The following MLLT3 variants were observed in gnomAD, a reference collection of about 807,000 sequenced individuals.
MLLT3 encodes the protein protein AF-9.
A neutral mutation model predicts 53.2 loss-of-function variants in MLLT3; 4 were observed. The observed-to-expected ratio is 0.08, with a 90% CI of 0.04 to 0.17. MLLT3 has a LOEUF of 0.17. Ranked by LOEUF, MLLT3 falls within the 10% of genes least tolerant of loss-of-function variation. The pLI is 1.00. For synonymous variants in MLLT3, 283 were observed against 230.6 expected (o/e 1.23, Z -2.06); for missense variants, 569 against 684.0 (o/e 0.83, Z 1.87).
chr9:20,554,497 G>T lies in MLLT3; in HGVS notation c.193+66157C>A, dbSNP rs111887571. ...ATGACATGAACAAAATATACTCACA[G>T]AATGTTACAACAGTCCATATAAGAT... is the stretch of plus-strand genomic sequence containing the variant. On this transcript the variant is annotated intron_variant, in intron 2 of 10. Transcript: ENST00000380338. 3.9e-5 allele frequency among the ~76,000 whole-genome samples: 6 copies of T among 152,202 alleles called. 1 individual carries two copies. The highest frequency in any genetic ancestry group is 1.2e-4 in the African/African-American group (5 of 41,556).
At chr9:20,613,381 T>A (rs1289350451) in intron 2 of MLLT3, among the ~76,000 whole-genome samples, 1 of 152,222 alleles carries the variant, frequency 6.6e-6, no homozygotes, top group Non-Finnish European at 1.5e-5. Flanking sequence ...GTAAGCAACA[T>A]ATATGTGCAA....
At chr9:20,604,240 C>T (rs187770973) in intron 2 of MLLT3, among the ~76,000 whole-genome samples, 3 of 151,992 alleles carry the variant, frequency 2.0e-5, no homozygotes, top group Admixed American at 6.6e-5. Context: ...TCCAGGAGTA[C>T]ATGGTATTAT....
intron 2 of MLLT3, among the ~76,000 whole-genome samples, chr9:20,535,485 C>T (rs906508497): frequency 3.9e-5 from 6 of 152,050 alleles, no homozygotes; most frequent in Non-Finnish European, 7.4e-5. Flanking sequence ...AGCCAGCAAG[C>T]CTTTTTTAAA....
At chr9:20,548,323 C>T (rs116240518) in intron 2 of MLLT3, among the ~76,000 whole-genome samples, 34 of 152,288 alleles carry the variant, frequency 2.2e-4, no homozygotes, top group African/African-American at 6.5e-4. Flanking sequence ...TCTGACATTG[C>T]GTTTATGATG....
At chr9:20,565,598 C>A (rs1367913737) in intron 2 of MLLT3, among the ~76,000 whole-genome samples, 2 of 151,980 alleles carry the variant, frequency 1.3e-5, no homozygotes, top group East Asian at 3.9e-4. Context: ...GTTATCTATA[C>A]CATGAGTTTT....
chr9:20,616,256 C>G (rs16925395), intron 2 of MLLT3, among the ~76,000 whole-genome samples: 4,259 of 152,198 alleles, frequency 0.028, 212 homozygotes, highest in African/African-American at 0.096. Context: ...CAAGGAGTCT[C>G]TTAAACCAAC....
At chr9:20,545,037 G>A (rs1315626346) in intron 2 of MLLT3, among the ~76,000 whole-genome samples, 2 of 118,658 alleles carry the variant, frequency 1.7e-5, no homozygotes, top group Non-Finnish European at 3.2e-5. Context: ...CGAGGTTACA[G>A]AAAGCCATGA....
At chr9:20,394,782 G>T (rs1281906668) in intron 5 of MLLT3, among the ~76,000 whole-genome samples, 1 of 152,128 alleles carries the variant, frequency 6.6e-6, no homozygotes, top group Non-Finnish European at 1.5e-5. Flanking sequence ...AAATGCTGGA[G>T]AAACAGTATG....
At chr9:20,479,462 T>TC (rs1824608807) in intron 2 of MLLT3, among the ~76,000 whole-genome samples, 1 of 152,198 alleles carries the variant, frequency 6.6e-6, no homozygotes, top group African/African-American at 2.4e-5. Context: ...AAACAAATCC[T>TC]GAAAAACTAG....
At chr9:20,458,131 T>C (rs1824018044) in intron 2 of MLLT3, among the ~76,000 whole-genome samples, 2 of 152,220 alleles carry the variant, frequency 1.3e-5, no homozygotes, top group South Asian at 4.1e-4. Context: ...GTTCAAATTC[T>C]ACTTTCTTCA....
chr9:20,359,145 CAAAAAAAAAAAAAAAAAAAA>C (rs920197622), intron 8 of MLLT3, among the ~76,000 whole-genome samples: 1 of 20,964 alleles, frequency 4.8e-5, no homozygotes, highest in Non-Finnish European at 9.9e-5. Context: ...AACTCCATCT[CAAAAAAAAAAAAAAAAAAAA>C]AAAAAAAAAA....
At position 20,507,876 on chromosome 9, in the gene MLLT3, C is replaced by G. The variant is rs1825425063; in HGVS notation, c.194-51090G>C. On this transcript the variant is annotated intron_variant, in intron 2 of 10. Coordinates refer to ENST00000380338, the MANE Select transcript of MLLT3 (RefSeq NM_004529.4). ...CTTCACAATAAGAATCTATAACAAT[C>G]CAAATAAAGTATGCCTAAAATCATG... is the stretch of plus-strand genomic sequence containing the variant. Among the ~76,000 whole-genome samples, 3 of 151,584 alleles carry G rather than the reference C, an allele frequency of 2.0e-5. No homozygotes were observed. In the South Asian group the frequency reaches 6.3e-4, roughly 32 times the overall value.
At chr9:20,459,387 T>C (rs1197008704) in intron 2 of MLLT3, among the ~76,000 whole-genome samples, 1 of 152,200 alleles carries the variant, frequency 6.6e-6, no homozygotes, top group African/African-American at 2.4e-5. Flanking sequence ...TCAAATATTG[T>C]GAACACTGGA....
intron 2 of MLLT3, among the ~76,000 whole-genome samples, chr9:20,481,686 C>G (rs186365541): frequency 6.6e-6 from 1 of 152,266 alleles, no homozygotes; most frequent in African/African-American, 2.4e-5. Flanking sequence ...CATGCAGATC[C>G]TTCAATCAAT....
intron 10 of MLLT3, among the ~76,000 whole-genome samples, chr9:20,350,737 T>C (rs1470747288): frequency 6.6e-6 from 1 of 152,222 alleles, no homozygotes; most frequent in African/African-American, 2.4e-5. Flanking sequence ...ACATCAGCCT[T>C]TCAAGCGGTA....
chr9:20,492,266 G>A (rs1254883337), intron 2 of MLLT3, among the ~76,000 whole-genome samples: 1 of 151,916 alleles, frequency 6.6e-6, no homozygotes, highest in Non-Finnish European at 1.5e-5. Context: ...TAGCATACTA[G>A]TTGTAACTTA....
intron 4 of MLLT3, among the ~76,000 whole-genome samples, chr9:20,437,881 G>A (rs1823445213): frequency 6.6e-6 from 1 of 152,102 alleles, no homozygotes; most frequent in African/African-American, 2.4e-5. Context: ...CCTACAGCAA[G>A]GGCTACATTA....
At chr9:20,423,422 AT>A (rs540377831) in intron 4 of MLLT3, among the ~76,000 whole-genome samples, 111 of 152,206 alleles carry the variant, frequency 7.3e-4, no homozygotes, top group African/African-American at 2.5e-3. Context: ...GTAAAATATT[AT>A]TTTTTGGCAG....
At chr9:20,449,622 C>G (rs1370001970) in intron 3 of MLLT3, among the ~76,000 whole-genome samples, 2 of 152,128 alleles carry the variant, frequency 1.3e-5, no homozygotes, top group East Asian at 1.9e-4. Flanking sequence ...ACTCAAGGGT[C>G]TTTGCACCTG....
Sources: gnomAD v4.1 joint callset for allele counts (sites outside exome capture counted in the v4.1 genomes callset) on GRCh38, gnomAD v4.1.1 for gene constraint, MANE v1.5 for transcripts, NCBI Gene and HGNC (gene_info 2026-07-23, HGNC 2026-07-21) for gene names.